PRELID2: variants seen among roughly 807,000 people sequenced by gnomAD.
The protein encoded by PRELID2 is PRELI domain-containing protein 2.
In PRELID2, 25 loss-of-function variants were observed where a neutral mutation model predicts 28.4. The ratio of observed to expected loss-of-function variants is 0.88; its 90% CI spans 0.64 to 1.23. PRELID2 has a LOEUF of 1.23. Ranked by LOEUF, PRELID2 falls within the 50% of genes most tolerant of loss-of-function variation. The pLI is 0.00. For synonymous variants in PRELID2, 76 were observed against 71.6 expected (o/e 1.06, Z -0.31); for missense variants, 201 against 214.4 (o/e 0.94, Z 0.39).
At chr5:145,425,748 C>T in the PRELID2 span, among the ~76,000 whole-genome samples, 8 of 151,982 alleles carry the variant, frequency 5.3e-5, no homozygotes, top group Non-Finnish European at 8.8e-5. Context: ...CACACTGGGG[C>T]CTGTTGTGGG....
At chr5:145,714,752 C>A (rs1171687099) in intron 1 of PRELID2, among the ~76,000 whole-genome samples, 3 of 152,104 alleles carry the variant, frequency 2.0e-5, no homozygotes, top group African/African-American at 7.2e-5. Flanking sequence ...TTTTACCAGG[C>A]CTTTCAATAA....
intron 1 of PRELID2, among the ~76,000 whole-genome samples, chr5:145,515,047 C>G (rs551010604): frequency 6.6e-6 from 1 of 152,146 alleles, no homozygotes; most frequent in East Asian, 1.9e-4. Context: ...GGCCACAGGA[C>G]AAAGCGGGAA....
chr5:145,395,168 T>A, the PRELID2 span, among the ~76,000 whole-genome samples: 2 of 152,212 alleles, frequency 1.3e-5, no homozygotes, highest in East Asian at 3.9e-4. Context: ...TGGTGTCATC[T>A]ATAATTTATA....
intron 1 of PRELID2, among the ~76,000 whole-genome samples, chr5:145,690,793 C>A (rs1474711503): frequency 1.3e-5 from 2 of 152,196 alleles, no homozygotes; most frequent in African/African-American, 2.4e-5. Flanking sequence ...TGCTCTTTCC[C>A]TATGTGCAAG....
chr5:145,508,646 T>G (rs1303315145), intron 1 of PRELID2, among the ~76,000 whole-genome samples: 3 of 152,208 alleles, frequency 2.0e-5, no homozygotes, highest in Non-Finnish European at 2.9e-5. Context: ...AGGGCACCTA[T>G]CTTCTCCTCT....
the PRELID2 span, among the ~76,000 whole-genome samples, chr5:145,389,461 T>C: frequency 6.6e-6 from 1 of 152,290 alleles, no homozygotes; most frequent in South Asian, 2.1e-4. Flanking sequence ...TGAGGTTGCA[T>C]AGTTCTCCAG....
intron 1 of PRELID2, among the ~76,000 whole-genome samples, chr5:145,569,567 C>T (rs937213836): frequency 4.6e-5 from 7 of 152,150 alleles, no homozygotes; most frequent in Non-Finnish European, 1.0e-4. Context: ...AAGAATGCTT[C>T]TGGGCAGCAA....
chr5:145,381,316 G>A, the PRELID2 span, among the ~76,000 whole-genome samples: 1 of 152,158 alleles, frequency 6.6e-6, no homozygotes, highest in African/African-American at 2.4e-5. Context: ...AGAGAGGCTT[G>A]AAAATGAGGA....
chr5:145,820,896 A>G (rs961639961), intron 2 of PRELID2, among the ~76,000 whole-genome samples: 1 of 152,188 alleles, frequency 6.6e-6, no homozygotes, highest in African/African-American at 2.4e-5. Flanking sequence ...AAGACAGCCA[A>G]GCGGGCAACC....
At chr5:145,496,792 G>T (rs1199246533) in intron 1 of PRELID2, among the ~76,000 whole-genome samples, 1 of 151,894 alleles carries the variant, frequency 6.6e-6, no homozygotes, top group Non-Finnish European at 1.5e-5. Flanking sequence ...ACTCCCCCTT[G>T]GTCCTTCATA....
At chr5:145,287,267 G>A in the PRELID2 span, among the ~76,000 whole-genome samples, 11 of 151,998 alleles carry the variant, frequency 7.2e-5, no homozygotes, top group Middle Eastern at 3.2e-3. Context: ...ATTAGGCACA[G>A]TAAGAGATTA....
intron 1 of PRELID2, among the ~76,000 whole-genome samples, chr5:145,827,724 T>C (rs753276472): frequency 6.6e-6 from 1 of 152,158 alleles, no homozygotes; most frequent in South Asian, 2.1e-4. Context: ...CAGCTAAAGA[T>C]ACACTACAAA....
At chr5:145,478,689 T>G (rs1752129739) in intron 1 of PRELID2, among the ~76,000 whole-genome samples, 1 of 152,248 alleles carries the variant, frequency 6.6e-6, no homozygotes, top group African/African-American at 2.4e-5. Context: ...TGCCTCCTCT[T>G]ACTTTTTTAA....
the PRELID2 span, among the ~76,000 whole-genome samples, chr5:145,446,484 A>T: frequency 6.6e-6 from 1 of 152,082 alleles, no homozygotes; most frequent in Non-Finnish European, 1.5e-5. Flanking sequence ...CAGTATGGGG[A>T]GTAGTAGAAA....
At chr5:145,453,973 TA>T in the PRELID2 span, among the ~76,000 whole-genome samples, 1 of 152,214 alleles carries the variant, frequency 6.6e-6, no homozygotes, top group Non-Finnish European at 1.5e-5. Context: ...CCTTTGGGTA[TA>T]TACCCAGTAA....
chr5:145,388,676 C>A, the PRELID2 span, among the ~76,000 whole-genome samples: 1 of 152,082 alleles, frequency 6.6e-6, no homozygotes, highest in Admixed American at 6.6e-5. Flanking sequence ...GAGCTTGGCT[C>A]ATTTCCATCT....
chr5:145,806,643 C>T (rs561876992), intron 4 of PRELID2, among the ~76,000 whole-genome samples: 1 of 152,304 alleles, frequency 6.6e-6, no homozygotes, highest in East Asian at 1.9e-4. Context: ...TGGTTTGGCT[C>T]TGTGTCCCCA....
the PRELID2 span, among the ~76,000 whole-genome samples, chr5:145,404,412 G>A: frequency 3.3e-5 from 5 of 152,154 alleles, no homozygotes; most frequent in African/African-American, 1.2e-4. Flanking sequence ...CCAGCTGTGT[G>A]ACATTATTTG....
chr5:145,232,545 A>G, the PRELID2 span, among the ~76,000 whole-genome samples: 673 of 152,260 alleles, frequency 4.4e-3, 4 homozygotes, highest in African/African-American at 0.015. Flanking sequence ...CTTTCTCTCT[A>G]AACAGTATCA....
Sources: allele counts gnomAD v4.1 joint callset (sites outside exome capture counted in the v4.1 genomes callset), GRCh38; gene constraint gnomAD v4.1.1; transcripts MANE v1.5; gene names NCBI Gene and HGNC (gene_info 2026-07-23, HGNC 2026-07-21).